The following WDR7 variants were observed in gnomAD, a reference collection of about 807,000 sequenced individuals.
The protein encoded by WDR7 is WD repeat-containing protein 7.
WDR7 carries 46 observed loss-of-function variants against 169.4 expected under a neutral mutation model. The observed-to-expected ratio is 0.27, with a 90% CI of 0.21 to 0.35. The LOEUF (loss-of-function observed/expected upper bound fraction) is 0.35. Among genes scored for constraint, WDR7 ranks in the 10% least tolerant of loss-of-function variants. WDR7 has a pLI of 1.00. For synonymous variants in WDR7, 612 were observed against 666.8 expected (o/e 0.92, Z 1.27); for missense variants, 1,534 against 1,859.3 (o/e 0.83, Z 3.22).
chr18:56,995,163 C>T (rs2047881382), intron 26 of WDR7, among the ~76,000 whole-genome samples: 1 of 152,138 alleles, frequency 6.6e-6, no homozygotes, highest in Non-Finnish European at 1.5e-5. Flanking sequence ...TGCTTAGTAA[C>T]TGCCTATAGT....
chr18:56,663,960 A>G (rs1422733696), intron 1 of WDR7, among the ~76,000 whole-genome samples: 1 of 152,150 alleles, frequency 6.6e-6, no homozygotes, highest in Non-Finnish European at 1.5e-5. Flanking sequence ...TAGAGGAAAG[A>G]TGAGAAAATA....
intron 26 of WDR7, among the ~76,000 whole-genome samples, chr18:57,001,515 A>G (rs1275388737): frequency 1.3e-5 from 2 of 152,162 alleles, no homozygotes; most frequent in Non-Finnish European, 2.9e-5. Flanking sequence ...TGATGTATCT[A>G]TTTTTCTGTG....
intron 22 of WDR7, among the ~76,000 whole-genome samples, chr18:56,931,967 T>C (rs932389096): frequency 6.6e-6 from 1 of 151,974 alleles, no homozygotes; most frequent in East Asian, 1.9e-4. Flanking sequence ...CCAAGGTGTT[T>C]AGAGTTTTTC....
intron 20 of WDR7, among the ~76,000 whole-genome samples, chr18:56,856,032 C>T (rs190820044): frequency 2.0e-5 from 3 of 152,102 alleles, no homozygotes; most frequent in Non-Finnish European, 4.4e-5. Context: ...TGGGAAACAC[C>T]GGGTGAGGGA....
At chr18:56,849,709 AATC>A (rs1251004656) in intron 20 of WDR7, among the ~76,000 whole-genome samples, 2 of 152,208 alleles carry the variant, frequency 1.3e-5, no homozygotes. Context: ...AGATCATTCA[AATC>A]ATGTCACTTT....
intron 3 of WDR7, 55 bp from the exon 4 acceptor site, chr18:56,681,258 T>C: frequency 8.4e-7 from 1 of 1,191,204 alleles, no homozygotes; most frequent in Non-Finnish European, 1.2e-6. Flanking sequence ...TGTGACAAAG[T>C]TGAATGGTGC....
intron 20 of WDR7, among the ~76,000 whole-genome samples, chr18:56,828,479 G>A (rs187757118): frequency 2.6e-3 from 398 of 152,256 alleles, no homozygotes; most frequent in African/African-American, 9.1e-3. Context: ...CCATTTAGTT[G>A]ACAGTCATTA....
intron 21 of WDR7, among the ~76,000 whole-genome samples, chr18:56,897,042 C>T (rs1342584413): frequency 1.3e-5 from 2 of 151,630 alleles, no homozygotes; most frequent in Admixed American, 1.3e-4. Context: ...CAAGGATGGC[C>T]AGTACACTTA....
chr18:56,754,384 TATATATACGTGTATATATACAC>T (rs906687845), intron 14 of WDR7, among the ~76,000 whole-genome samples: 103 of 150,768 alleles, frequency 6.8e-4, no homozygotes, highest in African/African-American at 2.4e-3. Context: ...TATATATGTG[TATATATACGTGTATATATACAC>T]ATATATACAC....
chr18:56,875,946 T>G (rs1323050401), intron 20 of WDR7, among the ~76,000 whole-genome samples: 1 of 152,170 alleles, frequency 6.6e-6, no homozygotes, highest in Admixed American at 6.6e-5. Flanking sequence ...CCAGTCTTGT[T>G]TGACCTCACA....
chr18:56,741,033 A>T (rs1267765555), intron 14 of WDR7, among the ~76,000 whole-genome samples: 2 of 152,008 alleles, frequency 1.3e-5, no homozygotes. Context: ...CTAAGATTGA[A>T]CTCAAAATCA....
At chr18:56,721,019 ATTATTTATTTATTAAAT>A (rs2026308455) in intron 13 of WDR7, among the ~76,000 whole-genome samples, 1 of 152,044 alleles carries the variant, frequency 6.6e-6, no homozygotes, top group Non-Finnish European at 1.5e-5. Context: ...AGGTATTGAC[ATTATTTATTTATTAAAT>A]TTATTTATTT....
chr18:56,833,830 TAC>T (rs2045354962), intron 20 of WDR7, among the ~76,000 whole-genome samples: 2 of 152,182 alleles, frequency 1.3e-5, no homozygotes, highest in African/African-American at 4.8e-5. Flanking sequence ...AACTTTTGCT[TAC>T]ACACTGTATT....
intron 20 of WDR7, among the ~76,000 whole-genome samples, chr18:56,876,045 T>C (rs2046017463): frequency 6.6e-6 from 1 of 152,204 alleles, no homozygotes; most frequent in South Asian, 2.1e-4. Flanking sequence ...TGGCTTTCAA[T>C]TAGCCATAGG....
rs183922487 is a variant in WDR7 at position 56,832,189 on chromosome 18, G to A, written c.3304+16045G>A. Among the ~76,000 whole-genome samples the A allele has an allele frequency of 8.0e-4, 122 of 152,300 alleles. 3 individuals carry two copies. The East Asian group carries it at 0.019, about 23-fold the overall frequency. The stretch of plus-strand genomic sequence containing the variant: ...TCTGCCATTACTGAGGCTTCAGTAG[G>A]CGGTTTTCCTCTCACGGTGTAAACA... On this transcript the variant is annotated intron_variant, in intron 20 of 27. Transcript: ENST00000254442.
At chr18:57,002,963 C>T (rs78812206) in intron 26 of WDR7, among the ~76,000 whole-genome samples, 186 of 152,266 alleles carry the variant, frequency 1.2e-3, no homozygotes, top group African/African-American at 4.4e-3. Context: ...ACATTCTAAA[C>T]AGTTCTAATA....
chr18:56,663,499 A>T (rs1419041378), intron 1 of WDR7, among the ~76,000 whole-genome samples: 1 of 152,170 alleles, frequency 6.6e-6, no homozygotes, highest in Non-Finnish European at 1.5e-5. Context: ...CTTTAAAAGC[A>T]TTTAGGGGTG....
intron 21 of WDR7, among the ~76,000 whole-genome samples, chr18:56,900,298 A>T (rs76672413): frequency 6.6e-6 from 1 of 152,070 alleles, no homozygotes; most frequent in African/African-American, 2.4e-5. Context: ...TATTAAAGCT[A>T]TGTAGTAGTC....
At chr18:56,780,804 A>G (rs568088919) in intron 18 of WDR7, among the ~76,000 whole-genome samples, 2 of 152,398 alleles carry the variant, frequency 1.3e-5, no homozygotes, top group African/African-American at 4.8e-5. Flanking sequence ...GGTCTCAGAA[A>G]AAGTTAATAA....
Sources: allele counts gnomAD v4.1 joint callset (sites outside exome capture counted in the v4.1 genomes callset), GRCh38; gene constraint gnomAD v4.1.1; transcripts MANE v1.5; gene names NCBI Gene and HGNC (gene_info 2026-07-23, HGNC 2026-07-21).